Variants in KCNN3 observed in about 807,000 individuals in gnomAD.
KCNN3 encodes the protein potassium calcium-activated channel subfamily N member 3.
In KCNN3, 16 loss-of-function variants were observed where a neutral mutation model predicts 62.9. The ratio of observed to expected loss-of-function variants is 0.25; its 90% CI spans 0.17 to 0.39. The LOEUF (loss-of-function observed/expected upper bound fraction) is 0.39. Ranked by LOEUF, KCNN3 falls within the 10% of genes least tolerant of loss-of-function variation. The pLI, the probability that KCNN3 is intolerant of heterozygous loss-of-function variation, is 1.00. For missense variants in KCNN3, 599 were observed against 949.4 expected (o/e 0.63, Z 4.85); for synonymous variants, 370 against 389.2 (o/e 0.95, Z 0.58).
Position 154,761,904 on chromosome 1 carries a change from C to T in KCNN3, c.1448+10071G>A, listed in dbSNP as rs565295295. On this transcript the variant is annotated intron_variant, in intron 3 of 7. Coordinates refer to ENST00000271915, the MANE Select transcript of KCNN3 (RefSeq NM_002249.6). ...GCAGTGAGCCGAGATGGCGCCACTGCACTCCAGCCCGGGCGACAGAATGAG... is the reference window on the plus strand; with the variant it reads ...GCAGTGAGCCGAGATGGCGCCACTGTACTCCAGCCCGGGCGACAGAATGAG... Among the ~76,000 whole-genome samples the T allele has an allele frequency of 7.6e-4, 115 of 152,316 alleles. 1 individual carries two copies. The Middle Eastern group carries it at 0.014, about 18-fold the overall frequency.
intron 1 of KCNN3, among the ~76,000 whole-genome samples, chr1:154,858,959 C>G (rs1652647070): frequency 6.6e-6 from 1 of 152,196 alleles, no homozygotes; most frequent in Non-Finnish European, 1.5e-5. Context: ...TCTTGCCCAC[C>G]CAGGCTAGCA....
At chr1:154,714,790 TTTC>T in intron 6 of KCNN3, 83 bp downstream of exon 6, 9 of 1,567,108 alleles carry the variant, frequency 5.7e-6, no homozygotes, top group Non-Finnish European at 7.9e-6. Context: ...ACAGAATGGA[TTTC>T]TTCTGTGCTA....
chr1:154,701,625 C>G lies in KCNN3; in HGVS notation c.*6351G>C, dbSNP rs893122398. 1.1e-4 allele frequency: 17 copies of G among 152,228 alleles called. No homozygotes were observed. Among genetic ancestry groups the G allele is most frequent in the Admixed American group, 8.5e-4 (13 of 15,286 alleles). 9.4% of individuals were successfully genotyped at this position (152,228 alleles called of 1,614,324 possible). A position where few individuals can be genotyped will look rare whatever the true frequency, so the allele number is the denominator to read the frequency against. Reference sequence around the variant, plus strand: ...AGCTAGAGGAAGCTAGCAGAAAAGGCAGCCCGGCTCTTTGCTGGCTCTGGC... The same window carrying G: ...AGCTAGAGGAAGCTAGCAGAAAAGGGAGCCCGGCTCTTTGCTGGCTCTGGC... On this transcript the variant is annotated 3_prime_UTR_variant, in exon 8 of 8. Coordinates refer to ENST00000271915, the MANE Select transcript of KCNN3 (RefSeq NM_002249.6).
intron 2 of KCNN3, among the ~76,000 whole-genome samples, chr1:154,784,083 G>A (rs1034621974): frequency 6.6e-6 from 1 of 152,108 alleles, no homozygotes; most frequent in African/African-American, 2.4e-5. Context: ...GAAAGACACC[G>A]GGTCCCCTCC....
At chr1:154,775,774 A>T (rs1203344438) in intron 2 of KCNN3, among the ~76,000 whole-genome samples, 2 of 152,192 alleles carry the variant, frequency 1.3e-5, no homozygotes, top group Non-Finnish European at 2.9e-5. Context: ...GGTTTTCCCC[A>T]GCAATTAGAA....
At chr1:154,843,121 G>T (rs1243642926) in intron 1 of KCNN3, among the ~76,000 whole-genome samples, 1 of 152,138 alleles carries the variant, frequency 6.6e-6, no homozygotes, top group Non-Finnish European at 1.5e-5. Flanking sequence ...AGACATAGAT[G>T]CTGAAGAAGT....
intron 1 of KCNN3, among the ~76,000 whole-genome samples, chr1:154,854,108 A>G (rs1232729141): frequency 7.1e-6 from 1 of 139,998 alleles, no homozygotes; most frequent in Non-Finnish European, 1.6e-5. Context: ...TGTGGCAGGC[A>G]CCTGTGGTCC....
chr1:154,786,410 T>C lies in KCNN3; in HGVS notation c.1030-14017A>G, dbSNP rs146689593. The stretch of plus-strand genomic sequence containing the variant: ...TGGAAACAACCTGAATACACATCAA[T>C]AGGGAAACAGCTGAATATATTATGG... On this transcript the variant is annotated intron_variant, in intron 2 of 7. Transcript: ENST00000271915. 6.6e-3 allele frequency among the ~76,000 whole-genome samples: 1,000 copies of C among 152,270 alleles called. 8 individuals carry two copies. Among genetic ancestry groups the C allele is most frequent in the African/African-American group, 0.023 (955 of 41,552 alleles).
Position 154,707,478 on chromosome 1 carries a change from G to A in KCNN3, c.*498C>T, listed in dbSNP as rs1699986786. Reference sequence around the variant, plus strand: ...AGTATATCTGTTTTGGCAAGTTGTGGGCAGCTCTCTTTTACTTTTGTCACC... The same window carrying A: ...AGTATATCTGTTTTGGCAAGTTGTGAGCAGCTCTCTTTTACTTTTGTCACC... On this transcript the variant is annotated 3_prime_UTR_variant, in exon 8 of 8. Transcript: ENST00000271915. 1 of 150,484 alleles carries A rather than the reference G, an allele frequency of 6.6e-6. No homozygotes were observed. The highest frequency in any genetic ancestry group is 2.5e-5 in the African/African-American group (1 of 40,760). The allele number at this position is 150,484 out of a possible 1,614,324, so 9.3% of individuals were successfully genotyped here.
chr1:154,861,289 A>G (rs1652760909), intron 1 of KCNN3, among the ~76,000 whole-genome samples: 2 of 152,102 alleles, frequency 1.3e-5, no homozygotes, highest in South Asian at 2.1e-4. Context: ...GCCACCTCTA[A>G]AAGGAAGGAT....
At chr1:154,752,480 G>C (rs1408924624) in intron 3 of KCNN3, among the ~76,000 whole-genome samples, 1 of 152,168 alleles carries the variant, frequency 6.6e-6, no homozygotes. Context: ...GCTCCAGGTG[G>C]AGGACTCTGC....
intron 7 of KCNN3, among the ~76,000 whole-genome samples, chr1:154,713,001 C>CA: frequency 6.6e-6 from 1 of 152,222 alleles, no homozygotes; most frequent in South Asian, 2.1e-4. Flanking sequence ...TTGAGGCCAG[C>CA]AAAACTAGTT....
At position 154,704,598 on chromosome 1, in the gene KCNN3, T is replaced by C. The variant is rs1699928910; in HGVS notation, c.*3378A>G. On this transcript the variant is annotated 3_prime_UTR_variant, in exon 8 of 8. Transcript: ENST00000271915. ...GGCAGGGGTGGGGGTGGTTCTGTAT[T>C]TCTAATTCAAGTGTCTAGATATTTT... is the stretch of plus-strand genomic sequence containing the variant. 6.6e-6 allele frequency: 1 copy of C among 152,132 alleles called. No individual in the cohort carries two copies. The highest frequency in any genetic ancestry group is 2.4e-5 in the African/African-American group (1 of 41,402). The allele number at this position is 152,132 out of a possible 1,614,324, so 9.4% of individuals were successfully genotyped here.
chr1:154,807,435 C>T (rs1025677544), intron 2 of KCNN3, among the ~76,000 whole-genome samples: 3 of 152,198 alleles, frequency 2.0e-5, no homozygotes, highest in Non-Finnish European at 4.4e-5. Context: ...GCCCCCCGCA[C>T]AAAGTCGGCT....
At chr1:154,747,611 G>C (rs1700967996) in intron 3 of KCNN3, among the ~76,000 whole-genome samples, 2 of 152,174 alleles carry the variant, frequency 1.3e-5, no homozygotes, top group South Asian at 4.1e-4. Context: ...ACTCCAGCTA[G>C]CCTGATGGAA....
rs780245091 is a variant in KCNN3, at chr1:154,866,759, G to A, written c.933+2273C>T. ...CTCAGCTACTGCCCCCTCGGTGCACGCCACTGCTGCTATGAGGGTCTGTGA... is the reference window on the plus strand; with the variant it reads ...CTCAGCTACTGCCCCCTCGGTGCACACCACTGCTGCTATGAGGGTCTGTGA... On this transcript the variant is annotated intron_variant, in intron 1 of 7. Transcript: ENST00000271915. Among the ~76,000 whole-genome samples, 10 of 152,324 alleles carry A rather than the reference G, an allele frequency of 6.6e-5. No homozygotes were observed. The South Asian group carries it at 1.7e-3, about 25-fold the overall frequency.
chr1:154,719,384 G>A (rs988895366), intron 5 of KCNN3, among the ~76,000 whole-genome samples: 11 of 152,292 alleles, frequency 7.2e-5, no homozygotes, highest in African/African-American at 2.6e-4. Flanking sequence ...AGATGGGACA[G>A]CCTACTACAC....
At chr1:154,731,575 CAG>C (rs1700594484) in intron 4 of KCNN3, among the ~76,000 whole-genome samples, 1 of 152,246 alleles carries the variant, frequency 6.6e-6, no homozygotes, top group South Asian at 2.1e-4. Flanking sequence ...GGCGTTCACT[CAG>C]ACCCTGCAGG....
chr1:154,822,633 A>G (rs938814701), intron 1 of KCNN3, among the ~76,000 whole-genome samples: 4 of 152,258 alleles, frequency 2.6e-5, no homozygotes, highest in African/African-American at 9.6e-5. Flanking sequence ...CCCAAACCAG[A>G]GGATTTCGGA....
Sources: allele counts gnomAD v4.1 joint callset (sites outside exome capture counted in the v4.1 genomes callset), GRCh38; gene constraint gnomAD v4.1.1; transcripts MANE v1.5; gene names NCBI Gene and HGNC (gene_info 2026-07-23, HGNC 2026-07-21).